Variants in ZNF165 observed in about 807,000 individuals in gnomAD.
The protein encoded by ZNF165 is zinc finger protein 165.
A neutral mutation model predicts 19.6 loss-of-function variants in ZNF165; 14 were observed. The ratio of observed to expected loss-of-function variants is 0.71; its 90% CI spans 0.47 to 1.12. ZNF165 has a LOEUF of 1.12. Among genes scored for constraint, ZNF165 ranks in the 50% most tolerant of loss-of-function variants. The pLI, the probability that ZNF165 is intolerant of heterozygous loss-of-function variation, is 0.00. For missense variants in ZNF165, 504 were observed against 566.3 expected (o/e 0.89, Z 1.12); for synonymous variants, 165 against 195.0 (o/e 0.85, Z 1.28).
At chr6:28,082,137 A>G (rs1210421315) in intron 1 of ZNF165, among the ~76,000 whole-genome samples, 1 of 152,220 alleles carries the variant, frequency 6.6e-6, no homozygotes, top group African/African-American at 2.4e-5. Flanking sequence ...TTAATATACC[A>G]TGGAACTAAC....
intron 3 of ZNF165, among the ~76,000 whole-genome samples, chr6:28,086,766 G>A (rs1338928789): frequency 3.3e-5 from 5 of 152,062 alleles, no homozygotes; most frequent in Non-Finnish European, 7.3e-5. Flanking sequence ...TTGGCCAATG[G>A]TAGGGGAAAA....
At position 28,089,047 on chromosome 6, in the gene ZNF165, G is replaced by A; in HGVS notation, c.1035G>A (p.Gln345=). 6.2e-7 allele frequency: 1 copy of A among 1,614,222 alleles called. No homozygotes were observed. Among genetic ancestry groups the A allele is most frequent in the South Asian group, 1.1e-5 (1 of 91,086 alleles). The change falls in exon 4 of 4, where the codon CAG becomes CAA. Residue 345 remains glutamine, a synonymous_variant. Transcript: ENST00000683778. ...AAVFSGDKTH[Q]CNECGKAFRH... ...TTTTCAGTGGAGATAAAACTCATCA[G>A]TGTAATGAATGTGGGAAAGCTTTCA... is the stretch of plus-strand genomic sequence containing the variant.
intron 2 of ZNF165, 26 bp from the exon 3 acceptor site, chr6:28,086,146 G>A (rs778052971): frequency 1.3e-6 from 2 of 1,599,694 alleles, no homozygotes; most frequent in Non-Finnish European, 1.7e-6. Flanking sequence ...TCTTTTATAA[G>A]CCCAAATGTA....
At chr6:28,080,543 A>ATTTTTTTTTTTTT (rs34237199), upstream of ZNF165, 153 of 111,884 alleles carry the variant, frequency 1.4e-3, no homozygotes, top group Non-Finnish European at 2.0e-3. Flanking sequence ...ACGCCCGGCA[A>ATTTTTTTTTTTTT]TTTTTTTTTT....
At chr6:28,086,122 T>G (rs372073458) in intron 2 of ZNF165, 50 bp from the exon 3 acceptor site, 7 of 1,577,168 alleles carry the variant, frequency 4.4e-6, no homozygotes, top group Non-Finnish European at 6.0e-6. Flanking sequence ...TTAGAAGACG[T>G]TTAACACAGG....
intron 1 of ZNF165, among the ~76,000 whole-genome samples, chr6:28,084,873 C>T (rs1764235837): frequency 6.6e-6 from 1 of 152,208 alleles, no homozygotes; most frequent in African/African-American, 2.4e-5. Flanking sequence ...TCTACAATAA[C>T]ATCTCCAAGC....
At position 28,085,712 on chromosome 6, in the gene ZNF165, C is replaced by T; in HGVS notation, c.232C>T (p.Leu78=). Residue 78 remains leucine, a synonymous_variant, in exon 2 of 4, where the codon CTG becomes TTG. Coordinates refer to ENST00000683778, the MANE Select transcript of ZNF165 (RefSeq NM_001376491.1). ...SRLRELCCQW[L]KPEIHTKEQI... is the part of the protein sequence containing the mutation. ...CCTCCGGGAGCTCTGCTGTCAGTGG[C>T]TGAAGCCAGAGATCCATACCAAGGA... 1 of 1,613,974 alleles carries T rather than the reference C, an allele frequency of 6.2e-7. No individual in the cohort carries two copies. The highest frequency in any genetic ancestry group is 8.5e-7 in the Non-Finnish European group (1 of 1,180,042).
At chr6:28,087,250 G>GTTTTA (rs1463413682) in intron 3 of ZNF165, among the ~76,000 whole-genome samples, 6 of 151,940 alleles carry the variant, frequency 3.9e-5, no homozygotes, top group Admixed American at 3.9e-4. Context: ...GTTTTGTTTT[G>GTTTTA]TTTTGTTTTT....
rs774457878 is a variant in ZNF165, at chr6:28,085,628, C to A, written c.148C>A (p.Gln50Lys). 4 of 1,614,224 alleles carry A rather than the reference C, an allele frequency of 2.5e-6. No homozygotes were observed. In the South Asian group the frequency reaches 4.4e-5, roughly 18 times the overall value. The change falls in exon 2 of 4, where the codon CAG (glutamine) becomes AAG (lysine). Residue 50 changes from glutamine to lysine, a missense_variant. Coordinates refer to ENST00000683778, the MANE Select transcript of ZNF165 (RefSeq NM_001376491.1). ...SELLKQELCR[Q>K]LFRQFCYQDS... is the part of the protein sequence containing the mutation. ...ACTCCTTAAGCAGGAGCTCTGCAGG[C>A]AGCTTTTTAGGCAGTTCTGCTACCA...
At position 28,088,653 on chromosome 6, in the gene ZNF165, G is replaced by C; in HGVS notation, c.641G>C (p.Gly214Ala). The C allele has an allele frequency of 1.2e-6, 2 of 1,614,094 alleles. No individual in the cohort carries two copies. The highest frequency in any genetic ancestry group is 8.5e-7 in the Non-Finnish European group (1 of 1,180,010). The change falls in exon 4 of 4, where the codon GGA (glycine) becomes GCA (alanine). Residue 214 changes from glycine to alanine, a missense_variant. By Grantham distance (60) the Gly-to-Ala change is moderately conservative. Coordinates refer to ENST00000683778, the MANE Select transcript of ZNF165 (RefSeq NM_001376491.1). ...AGAATTATATCTGGAAGAATCTCAG[G>C]ATACATATCAGAAGCATCTGGTGAG... is the stretch of plus-strand genomic sequence containing the variant. ...SQRIISGRIS[G>A]YISEASGESQ...
rs1764258931 is a variant in ZNF165, at chr6:28,085,728, A to G, written c.248A>G (p.His83Arg). The change falls in exon 2 of 4, where the codon CAT becomes CGT. Residue 83 changes from histidine (H) to arginine (R), a missense_variant. Coordinates refer to ENST00000683778, the MANE Select transcript of ZNF165 (RefSeq NM_001376491.1). ...LCCQWLKPEIHTKEQILELLV... is the reference protein window; with the variant it reads ...LCCQWLKPEIRTKEQILELLV... ...TGTCAGTGGCTGAAGCCAGAGATCC[A>G]TACCAAGGAACAGATTCTGGAACTG... 6.2e-7 allele frequency: 1 copy of G among 1,613,790 alleles called. No homozygotes were observed. The highest frequency in any genetic ancestry group is 1.3e-5 in the African/African-American group (1 of 74,930).
Position 28,089,127 on chromosome 6 carries a change from A to G in ZNF165, c.1115A>G (p.Tyr372Cys), listed in dbSNP as rs1581485623. 2 of 1,614,214 alleles carry G rather than the reference A, an allele frequency of 1.2e-6. No homozygotes were observed. The highest frequency in any genetic ancestry group is 1.7e-6 in the Non-Finnish European group (2 of 1,180,016). The change falls in exon 4 of 4, where the codon TAT becomes TGT. Residue 372 changes from tyrosine to cysteine, a missense_variant. Physicochemically the swap from Tyr to Cys is radical, Grantham distance 194. Coordinates refer to ENST00000683778, the MANE Select transcript of ZNF165 (RefSeq NM_001376491.1). ...HQRIHTGERC[Y>C]ECNECGKSFA... is the part of the protein sequence containing the mutation. ...AGAATCCACACTGGAGAGAGATGCT[A>G]TGAATGTAATGAATGTGGGAAAAGC... is the stretch of plus-strand genomic sequence containing the variant.
intron 2 of ZNF165, 51 bp downstream of exon 2, chr6:28,085,942 G>A (rs1205259057): frequency 1.7e-5 from 27 of 1,583,796 alleles, no homozygotes; most frequent in Non-Finnish European, 1.8e-5. Context: ...AAAGTTCCAC[G>A]GTGGGAGGAG....
At chr6:28,084,598 G>A (rs1764227699) in intron 1 of ZNF165, among the ~76,000 whole-genome samples, 1 of 152,190 alleles carries the variant, frequency 6.6e-6, no homozygotes, top group African/African-American at 2.4e-5. Flanking sequence ...GGCGGAGGTT[G>A]CAGTGAGCCG....
chr6:28,083,462 C>G (rs1764200723), intron 1 of ZNF165, among the ~76,000 whole-genome samples: 1 of 152,206 alleles, frequency 6.6e-6, no homozygotes, highest in Non-Finnish European at 1.5e-5. Context: ...ACCTGCATCA[C>G]CTTTAATCGC....
At chr6:28,082,049 G>A (rs969190450) in intron 1 of ZNF165, among the ~76,000 whole-genome samples, 1 of 152,104 alleles carries the variant, frequency 6.6e-6, no homozygotes, top group African/African-American at 2.4e-5. Flanking sequence ...GACACTACTT[G>A]GTTAGCGCAT....
At chr6:28,086,973 C>A (rs1182854349) in intron 3 of ZNF165, among the ~76,000 whole-genome samples, 1 of 152,122 alleles carries the variant, frequency 6.6e-6, no homozygotes, top group South Asian at 2.1e-4. Context: ...GAAACAGATA[C>A]ATGATGATAT....
chr6:28,081,944 G>A (rs1025285344), intron 1 of ZNF165, among the ~76,000 whole-genome samples: 1 of 152,210 alleles, frequency 6.6e-6, no homozygotes, highest in Non-Finnish European at 1.5e-5. Flanking sequence ...CATAGAACCA[G>A]CTGCTCAGCA....
Position 28,088,896 on chromosome 6 carries a change from G to C in ZNF165, c.884G>C (p.Gly295Ala). ...EFTHQKSCKH[G>A]TCDQSFKWNS... Reference sequence around the variant, plus strand: ...ACACACCAGAAATCTTGTAAACATGGTACCTGTGACCAGAGCTTCAAATGG... The same window carrying C: ...ACACACCAGAAATCTTGTAAACATGCTACCTGTGACCAGAGCTTCAAATGG... Residue 295 changes from glycine (G) to alanine (A), a missense_variant, in exon 4 of 4, where the codon GGT becomes GCT. By Grantham distance (60) the Gly-to-Ala change is moderately conservative. Coordinates refer to ENST00000683778, the MANE Select transcript of ZNF165 (RefSeq NM_001376491.1). The C allele has an allele frequency of 3.1e-6, 5 of 1,614,098 alleles. No homozygotes were observed. The highest frequency in any genetic ancestry group is 4.2e-6 in the Non-Finnish European group (5 of 1,180,022).
Sources: gnomAD v4.1 joint callset for allele counts (sites outside exome capture counted in the v4.1 genomes callset) on GRCh38, gnomAD v4.1.1 for gene constraint, MANE v1.5 for transcripts, NCBI Gene and HGNC (gene_info 2026-07-23, HGNC 2026-07-21) for gene names.